The following RBFOX1 variants were observed in gnomAD, a reference collection of about 807,000 sequenced individuals.
RBFOX1 encodes RNA binding protein fox-1 homolog 1.
A neutral mutation model predicts 57.7 loss-of-function variants in RBFOX1; 8 were observed. The ratio of observed to expected loss-of-function variants is 0.14; its 90% CI spans 0.08 to 0.25. The LOEUF is 0.25. RBFOX1 is among the 10% of genes least tolerant of loss of function. RBFOX1 has a pLI of 1.00. For synonymous variants in RBFOX1, 326 were observed against 222.4 expected (o/e 1.47, Z -4.15); for missense variants, 611 against 548.5 (o/e 1.11, Z -1.14).
chr16:5,893,515 T>C (rs1269091365), intron 4 of RBFOX1, among the ~76,000 whole-genome samples: 1 of 152,172 alleles, frequency 6.6e-6, no homozygotes, highest in African/African-American at 2.4e-5. Flanking sequence ...TGTGTCCATC[T>C]GTTTTATCTG....
At chr16:7,267,843 G>A (rs1235047140) in intron 4 of RBFOX1, among the ~76,000 whole-genome samples, 2 of 152,202 alleles carry the variant, frequency 1.3e-5, no homozygotes, top group Non-Finnish European at 2.9e-5. Context: ...GCAACAGAGT[G>A]AGACCCTGTC....
At chr16:7,288,562 G>A (rs904200252) in intron 4 of RBFOX1, among the ~76,000 whole-genome samples, 8 of 152,144 alleles carry the variant, frequency 5.3e-5, no homozygotes, top group African/African-American at 1.2e-4. Flanking sequence ...ATTACTGGCC[G>A]GAGAGCAGTG....
chr16:5,551,928 A>T (rs759160903), intron 2 of RBFOX1, among the ~76,000 whole-genome samples: 5 of 152,038 alleles, frequency 3.3e-5, no homozygotes, highest in Admixed American at 3.3e-4. Context: ...GCTGAGAATG[A>T]TGGTTTCCAG....
intron 4 of RBFOX1, among the ~76,000 whole-genome samples, chr16:7,221,373 T>TTATC (rs1191898183): frequency 6.6e-6 from 1 of 151,462 alleles, no homozygotes; most frequent in Non-Finnish European, 1.5e-5. Flanking sequence ...ATTTTTTTAT[T>TTATC]TATTTATTTA....
At chr16:7,380,232 G>T (rs2097763283) in intron 4 of RBFOX1, among the ~76,000 whole-genome samples, 1 of 152,108 alleles carries the variant, frequency 6.6e-6, no homozygotes, top group African/African-American at 2.4e-5. Flanking sequence ...GAAATGCTCA[G>T]AGTTTAGAAA....
intron 2 of RBFOX1, among the ~76,000 whole-genome samples, chr16:6,426,625 T>A (rs981856576): frequency 1.3e-5 from 2 of 152,040 alleles, no homozygotes; most frequent in Non-Finnish European, 2.9e-5. Flanking sequence ...AACGACACCT[T>A]GTCTCAAAAA....
Position 7,528,185 on chromosome 16 carries a change from G to A in RBFOX1, c.270+9796G>A, listed in dbSNP as rs1054853023. On this transcript the variant is annotated intron_variant, in intron 5 of 15. Transcript: ENST00000550418. ...AAGGGTTTGATTTAATGTTTCCTTA[G>A]GGGGCTTCACTGGCTTATTTCCATT... Among the ~76,000 whole-genome samples, 3 of 152,182 alleles carry A rather than the reference G, an allele frequency of 2.0e-5. No homozygotes were observed. The South Asian group carries it at 6.2e-4, about 32-fold the overall frequency.
At chr16:5,296,542 G>C (rs2063672925) in intron 1 of RBFOX1, among the ~76,000 whole-genome samples, 1 of 150,690 alleles carries the variant, frequency 6.6e-6, no homozygotes, top group Admixed American at 6.6e-5. Context: ...GTTCAATAGA[G>C]GAATTTATTT....
chr16:6,945,302 T>A (rs560407854), intron 3 of RBFOX1, among the ~76,000 whole-genome samples: 2 of 152,144 alleles, frequency 1.3e-5, no homozygotes, highest in African/African-American at 4.8e-5. Flanking sequence ...ATGTGTACAC[T>A]AGGGGTCTCA....
chr16:7,683,550 C>G (rs1323594905), intron 14 of RBFOX1, among the ~76,000 whole-genome samples: 6 of 152,116 alleles, frequency 3.9e-5, no homozygotes, highest in South Asian at 2.1e-4. Context: ...ATTTCCAAGC[C>G]CAACAGACCG....
intron 1 of RBFOX1, among the ~76,000 whole-genome samples, chr16:6,208,446 G>A (rs1244250320): frequency 6.6e-6 from 1 of 152,104 alleles, no homozygotes; most frequent in East Asian, 1.9e-4. Flanking sequence ...GTCTGAAGTT[G>A]AGTAGACATT....
chr16:6,804,965 T>A (rs79553379), intron 3 of RBFOX1, among the ~76,000 whole-genome samples: 4,451 of 152,288 alleles, frequency 0.029, 215 homozygotes, highest in South Asian at 0.15. Flanking sequence ...TAGTTCATTG[T>A]GAAAAGCACT....
chr16:7,297,323 C>T (rs748844938), intron 4 of RBFOX1, among the ~76,000 whole-genome samples: 5 of 152,226 alleles, frequency 3.3e-5, no homozygotes, highest in Non-Finnish European at 7.3e-5. Context: ...AAATCAGTTG[C>T]ATCCCTTCTC....
At chr16:5,777,739 A>C (rs537127859) in intron 3 of RBFOX1, among the ~76,000 whole-genome samples, 14 of 152,302 alleles carry the variant, frequency 9.2e-5, no homozygotes, top group African/African-American at 2.9e-4. Context: ...CATACATAAA[A>C]TTGTTAAAGG....
In RBFOX1 at chr16:7,029,271, TAC is replaced by T. The variant is rs1214939487; in HGVS notation, c.-15-22785_-15-22784del. 2.4e-4 allele frequency among the ~76,000 whole-genome samples: 33 copies of T among 137,818 alleles called. 4 individuals are homozygous for T. The highest frequency in any genetic ancestry group is 8.1e-4 in the African/African-American group (30 of 37,034). The allele number at this position is 137,818 out of a possible 152,430, so 90.4% of individuals were successfully genotyped here. ...ATATATACACACATATATATACGTA[TAC>T]GTATATATATACACATATATATATA... is the stretch of plus-strand genomic sequence containing the variant. On this transcript the variant is annotated intron_variant, in intron 3 of 15. Transcript: ENST00000550418.
chr16:7,646,741 C>T (rs1392433904), intron 11 of RBFOX1, among the ~76,000 whole-genome samples: 1 of 152,262 alleles, frequency 6.6e-6, no homozygotes, highest in African/African-American at 2.4e-5. Context: ...TCCCCCAGAG[C>T]TCTAAAACTT....
chr16:6,483,338 G>A (rs1212351681), intron 2 of RBFOX1: 14 of 1,473,434 alleles, frequency 9.5e-6, no homozygotes, highest in African/African-American at 2.8e-5. Context: ...ACCTGCTGGC[G>A]GTCGTGCCAG....
intron 4 of RBFOX1, among the ~76,000 whole-genome samples, chr16:5,910,689 C>G (rs764804776): frequency 1.3e-5 from 2 of 152,250 alleles, no homozygotes; most frequent in Middle Eastern, 6.8e-3. Flanking sequence ...CCATCAATGC[C>G]CCACTTCTAT....
chr16:7,653,468 T>C lies in RBFOX1; in HGVS notation c.758-347T>C, dbSNP rs373094305. ...GTGCAGTGAGCCGTGATTGCACCAC[T>C]GCACTCCAGCCTGGGTGACAGAGCC... On this transcript the variant is annotated intron_variant, in intron 11 of 15. Coordinates refer to ENST00000550418, the MANE Select transcript of RBFOX1 (RefSeq NM_018723.4). Among the ~76,000 whole-genome samples the C allele has an allele frequency of 1.2e-4, 18 of 152,190 alleles. 2 individuals carry two copies. Among genetic ancestry groups the C allele is most frequent in the Admixed American group, 7.9e-4 (12 of 15,278 alleles).
Sources: allele counts gnomAD v4.1 joint callset (sites outside exome capture counted in the v4.1 genomes callset), GRCh38; gene constraint gnomAD v4.1.1; transcripts MANE v1.5; gene names NCBI Gene and HGNC (gene_info 2026-07-23, HGNC 2026-07-21).